CDIN1: variants seen among roughly 807,000 people sequenced by gnomAD.
The protein encoded by CDIN1 is CDAN1 interacting nuclease 1, also known as CDAN1-interacting nuclease 1.
A neutral mutation model predicts 45.3 loss-of-function variants in CDIN1; 33 were observed. That is an observed-to-expected ratio of 0.73 (90% CI 0.55 to 0.97). The LOEUF is 0.97. Ranked by LOEUF, CDIN1 falls within the 50% of genes least tolerant of loss-of-function variation. The pLI, the probability that CDIN1 is intolerant of heterozygous loss-of-function variation, is 0.00. For synonymous variants in CDIN1, 118 were observed against 124.4 expected (o/e 0.95, Z 0.34); for missense variants, 303 against 339.4 (o/e 0.89, Z 0.84).
intron 8 of CDIN1, among the ~76,000 whole-genome samples, chr15:36,699,086 C>T (rs779595818): frequency 3.3e-5 from 5 of 152,116 alleles, no homozygotes; most frequent in Non-Finnish European, 7.4e-5. Flanking sequence ...TGGAAGCATA[C>T]TCAAACAGGA....
intron 3 of CDIN1, among the ~76,000 whole-genome samples, chr15:36,645,495 TGTGTG>T (rs1159749829): frequency 3.4e-3 from 7 of 2,042 alleles, no homozygotes; most frequent in East Asian, 0.024. Context: ...TGTCTTGACT[TGTGTG>T]TGTGTGTGTG....
chr15:36,789,649 A>G (rs963931238), intron 10 of CDIN1, among the ~76,000 whole-genome samples: 2 of 152,192 alleles, frequency 1.3e-5, no homozygotes, highest in African/African-American at 4.8e-5. Flanking sequence ...GGCTTAAGAC[A>G]AAGTCCAGAC....
intron 10 of CDIN1, among the ~76,000 whole-genome samples, chr15:36,721,454 G>C (rs1271983051): frequency 6.6e-6 from 1 of 152,068 alleles, no homozygotes; most frequent in African/African-American, 2.4e-5. Context: ...GAAGTATGCT[G>C]TTTTGTTTTG....
At chr15:36,801,396 C>G (rs2055041383) in intron 10 of CDIN1, among the ~76,000 whole-genome samples, 1 of 151,974 alleles carries the variant, frequency 6.6e-6, no homozygotes, top group Non-Finnish European at 1.5e-5. Flanking sequence ...CATGGGTAAG[C>G]CAAGTTAATG....
chr15:36,754,745 G>A (rs987366298), intron 10 of CDIN1, among the ~76,000 whole-genome samples: 5 of 151,952 alleles, frequency 3.3e-5, no homozygotes, highest in Non-Finnish European at 2.9e-5. Flanking sequence ...GAACGCAGAA[G>A]CAAGGATAAA....
intron 1 of CDIN1, among the ~76,000 whole-genome samples, chr15:36,612,418 A>C (rs979515071): frequency 3.3e-5 from 5 of 152,198 alleles, no homozygotes; most frequent in Non-Finnish European, 7.3e-5. Flanking sequence ...TCTGTACGGT[A>C]TAATCCACAG....
At chr15:36,596,613 A>G (rs1462301010) in intron 1 of CDIN1, among the ~76,000 whole-genome samples, 1 of 152,142 alleles carries the variant, frequency 6.6e-6, no homozygotes, top group Non-Finnish European at 1.5e-5. Flanking sequence ...TTATGCTGTA[A>G]TGTTTCTTTA....
Position 36,800,909 on chromosome 15 carries a change from GTATATA to G in CDIN1, c.717-7385_717-7380del, listed in dbSNP as rs370036091. Among the ~76,000 whole-genome samples the G allele has an allele frequency of 8.2e-3, 183 of 22,388 alleles. 5 individuals carry two copies. The highest frequency in any genetic ancestry group is 0.014 in the African/African-American group (156 of 11,186). 14.7% of individuals were successfully genotyped at this position (22,388 alleles called of 152,430 possible). A position where few individuals can be genotyped will look rare whatever the true frequency, so the allele number is the denominator to read the frequency against. ...TGTGTGTGTGTGTGTGTGTGTGTGT[GTATATA>G]TATATATATATATATATATATATAT... On this transcript the variant is annotated intron_variant, in intron 10 of 10. Coordinates refer to ENST00000566621, the MANE Select transcript of CDIN1 (RefSeq NM_001321759.2).
At chr15:36,796,660 G>T (rs1233377782) in intron 10 of CDIN1, among the ~76,000 whole-genome samples, 1 of 152,178 alleles carries the variant, frequency 6.6e-6, no homozygotes, top group Non-Finnish European at 1.5e-5. Flanking sequence ...ATACATCGGG[G>T]CTTGAAATCC....
In CDIN1 at chr15:36,613,678, C is replaced by T. The variant is rs2038756079; in HGVS notation, c.102-30600C>T. ...AGGAGCTGGACCGTGCTCAGGAGCG[C>T]CTGGCTACTGCCCTGCAAAAGCTAG... On this transcript the variant is annotated intron_variant, in intron 1 of 10. Coordinates refer to ENST00000566621, the MANE Select transcript of CDIN1 (RefSeq NM_001321759.2). The T allele has an allele frequency of 6.2e-5, 90 of 1,456,840 alleles. 4 individuals are homozygous for T. The South Asian group carries it at 1.0e-3, about 16-fold the overall frequency. The allele number at this position is 1,456,840 out of a possible 1,614,324, so 90.2% of individuals were successfully genotyped here. A position where few individuals can be genotyped will look rare whatever the true frequency, so the allele number is the denominator to read the frequency against.
At chr15:36,654,756 C>G (rs2040715096) in intron 4 of CDIN1, among the ~76,000 whole-genome samples, 1 of 151,990 alleles carries the variant, frequency 6.6e-6, no homozygotes. Context: ...AAATAACAGC[C>G]TTACATTTAA....
Position 36,579,864 on chromosome 15 carries a change from A to G in CDIN1, c.4A>G (p.Ile2Val), listed in dbSNP as rs1344879503. The G allele has an allele frequency of 1.2e-6, 2 of 1,613,344 alleles. No individual in the cohort carries two copies. Among genetic ancestry groups the G allele is most frequent in the East Asian group, 4.5e-5 (2 of 44,854 alleles). Residue 2 changes from isoleucine (I) to valine (V), a missense_variant, in exon 1 of 11, where the codon ATA becomes GTA. By Grantham distance (29) the Ile-to-Val change is conservative. Coordinates refer to ENST00000566621, the MANE Select transcript of CDIN1 (RefSeq NM_001321759.2). M[I>V]LTKAQYDEIA... ...ACCTCCTGGTCCCTGGCCCAACATG[A>G]TACTGACCAAAGCTCAGTACGACGA...
rs374974160 is a variant in CDIN1 at position 36,593,839 on chromosome 15, C to T, written c.101+13878C>T. On this transcript the variant is annotated intron_variant, in intron 1 of 10. Transcript: ENST00000566621. ...TCGGCCTCCCAAAGTGCTGGGATTA[C>T]AGGCTTGAGCCACCGCGCCTGGCTG... Among the ~76,000 whole-genome samples the T allele has an allele frequency of 4.6e-5, 7 of 152,294 alleles. No homozygotes were observed. The East Asian group carries it at 5.8e-4, about 13-fold the overall frequency.
chr15:36,676,786 A>G (rs2041665239), intron 5 of CDIN1, among the ~76,000 whole-genome samples: 1 of 152,162 alleles, frequency 6.6e-6, no homozygotes, highest in East Asian at 1.9e-4. Context: ...ATGTGGCCCT[A>G]TATTTGCTCT....
At chr15:36,643,029 T>C (rs971648538) in intron 1 of CDIN1, among the ~76,000 whole-genome samples, 1 of 152,178 alleles carries the variant, frequency 6.6e-6, no homozygotes, top group African/African-American at 2.4e-5. Context: ...ATAGGAAGAT[T>C]TTATATAAAA....
chr15:36,595,077 AATGTTCTTTT>A (rs2037749523), intron 1 of CDIN1, among the ~76,000 whole-genome samples: 1 of 152,024 alleles, frequency 6.6e-6, no homozygotes, highest in Non-Finnish European at 1.5e-5. Context: ...ACTGAAAATA[AATGTTCTTTT>A]AAGAAGATTT....
At chr15:36,737,236 A>G (rs1272450627) in intron 10 of CDIN1, among the ~76,000 whole-genome samples, 1 of 151,776 alleles carries the variant, frequency 6.6e-6, no homozygotes, top group African/African-American at 2.4e-5. Flanking sequence ...AGGTTCCAAT[A>G]CCTGGGTCGT....
intron 1 of CDIN1, among the ~76,000 whole-genome samples, chr15:36,621,446 T>C (rs901858631): frequency 6.6e-6 from 1 of 152,240 alleles, no homozygotes; most frequent in African/African-American, 2.4e-5. Context: ...TTGGTTGTTT[T>C]ATGACATGGT....
At chr15:36,738,729 C>T (rs2044124382) in intron 10 of CDIN1, among the ~76,000 whole-genome samples, 1 of 152,154 alleles carries the variant, frequency 6.6e-6, no homozygotes, top group Non-Finnish European at 1.5e-5. Context: ...CAGCCTACAG[C>T]TTTCTTTTTT....
Sources: gnomAD v4.1 joint callset for allele counts (sites outside exome capture counted in the v4.1 genomes callset) on GRCh38, gnomAD v4.1.1 for gene constraint, MANE v1.5 for transcripts, NCBI Gene and HGNC (gene_info 2026-07-23, HGNC 2026-07-21) for gene names.